Variants in SYS1 observed in about 807,000 individuals in gnomAD.
The protein encoded by SYS1 is SYS1 golgi trafficking protein, also known as protein SYS1 homolog.
Under a neutral mutation model 17.8 loss-of-function variants are expected in SYS1, and 8 were observed. The ratio of observed to expected loss-of-function variants is 0.45; its 90% CI spans 0.26 to 0.81. The LOEUF is 0.81. Ranked by LOEUF, SYS1 falls within the 40% of genes least tolerant of loss-of-function variation. The probability of loss-of-function intolerance (pLI) is 0.16; values close to 1 mark genes in which losing one functional copy is unlikely to be tolerated. For missense variants in SYS1, 161 were observed against 203.9 expected (o/e 0.79, Z 1.28); for synonymous variants, 95 against 90.9 (o/e 1.05, Z -0.26).
In SYS1 at chr20:45,363,210, G is replaced by A; in HGVS notation, c.-109G>A. The A allele has an allele frequency of 9.1e-7, 1 of 1,092,940 alleles. No individual in the cohort carries two copies. The highest frequency in any genetic ancestry group is 1.1e-6 in the Non-Finnish European group (1 of 895,838). The allele number at this position is 1,092,940 out of a possible 1,614,324, so 67.7% of individuals were successfully genotyped here. A position where few individuals can be genotyped will look rare whatever the true frequency, so the allele number is the denominator to read the frequency against. On this transcript the variant is annotated 5_prime_UTR_variant, in exon 1 of 4. Coordinates refer to ENST00000243918, the MANE Select transcript of SYS1 (RefSeq NM_033542.4). ...GGTCGCTGGAGCTTTGCCTCTCTAGGCCGGCAGCGCCTCTCCTCCATGGTC... is the reference window on the plus strand; with the variant it reads ...GGTCGCTGGAGCTTTGCCTCTCTAGACCGGCAGCGCCTCTCCTCCATGGTC...
At chr20:45,362,791 G>C (rs951763438), upstream of SYS1, among the ~76,000 whole-genome samples, 1 of 152,190 alleles carries the variant, frequency 6.6e-6, no homozygotes, top group African/African-American at 2.4e-5. Flanking sequence ...CTACGTGGAG[G>C]AGCTTGCAGG....
chr20:45,367,062 C>T lies in SYS1; in HGVS notation c.418C>T (p.Arg140Trp), dbSNP rs566745672. 1.7e-5 allele frequency: 28 copies of T among 1,614,156 alleles called. No homozygotes were observed. The highest frequency in any genetic ancestry group is 1.7e-4 in the African/African-American group (13 of 75,032). ...TGTCATCGGGGAGTACCTGTGCATG[C>T]GGACGGAGCTCAAGGAGATACCCCT... ...MAVIGEYLCMRTELKEIPLNS... is the reference protein window; with the variant it reads ...MAVIGEYLCMWTELKEIPLNS... Residue 140 changes from arginine to tryptophan, a missense_variant, in exon 4 of 4, where the codon CGG becomes TGG. Arg to Trp is a moderately radical substitution (Grantham distance 101, BLOSUM62 -3). Coordinates refer to ENST00000243918, the MANE Select transcript of SYS1 (RefSeq NM_033542.4).
chr20:45,363,724 C>A, intron 2 of SYS1, 31 bp downstream of exon 2: 1 of 1,543,478 alleles, frequency 6.5e-7, no homozygotes, highest in South Asian at 1.2e-5. Context: ...CGGGTGGGGT[C>A]TCGGCCTCCC....
At chr20:45,364,443 T>A (rs1988335822) in intron 2 of SYS1, among the ~76,000 whole-genome samples, 1 of 144,212 alleles carries the variant, frequency 6.9e-6, no homozygotes. Flanking sequence ...GAGGCAGCTG[T>A]GGCGTGGTGA....
At chr20:45,363,044 A>C, upstream of SYS1, 6 of 928,146 alleles carry the variant, frequency 6.5e-6, no homozygotes, top group African/African-American at 1.8e-5. Flanking sequence ...GCATGTGCTC[A>C]GTTCGCTATC....
In SYS1 at chr20:45,363,406, T is replaced by G. The variant is rs898575119; in HGVS notation, c.-4+91T>G. ...CCCTCACTCTGAGAATGGGTCTGTCTGCCCCGCCTTCCCCCTGACTCTTGG... is the reference window on the plus strand; with the variant it reads ...CCCTCACTCTGAGAATGGGTCTGTCGGCCCCGCCTTCCCCCTGACTCTTGG... On this transcript the variant is annotated intron_variant, in intron 1 of 3. Transcript: ENST00000243918. 9 of 1,445,950 alleles carry G rather than the reference T, an allele frequency of 6.2e-6. No homozygotes were observed. The Admixed American group carries it at 9.9e-5, about 16-fold the overall frequency. The allele number at this position is 1,445,950 out of a possible 1,614,324, so 89.6% of individuals were successfully genotyped here.
Position 45,363,517 on chromosome 20 carries a change from G to T in SYS1, c.-3-12G>T, listed in dbSNP as rs753654061. On this transcript the variant is annotated splice_polypyrimidine_tract_variant and intron_variant, in intron 1 of 3. Coordinates refer to ENST00000243918, the MANE Select transcript of SYS1 (RefSeq NM_033542.4). Reference sequence around the variant, plus strand: ...CAGGCCGCTGGCTGAGGCCCGGCTCGTGTCCCTGCAGGGCATGGCGGGTCA... The same window carrying T: ...CAGGCCGCTGGCTGAGGCCCGGCTCTTGTCCCTGCAGGGCATGGCGGGTCA... 2.5e-6 allele frequency: 4 copies of T among 1,585,366 alleles called. No homozygotes were observed. The highest frequency in any genetic ancestry group is 1.8e-5 in the Admixed American group (1 of 56,478).
intron 2 of SYS1, 52 bp from the exon 3 acceptor site, chr20:45,365,567 G>T: frequency 6.4e-7 from 1 of 1,568,500 alleles, no homozygotes; most frequent in Non-Finnish European, 8.8e-7. Flanking sequence ...GAGATCCTGG[G>T]GCTCTGCCAA....
exon 4 of SYS1, chr20:45,375,378 C>G: frequency 6.2e-7 from 1 of 1,614,122 alleles, no homozygotes; most frequent in Non-Finnish European, 8.5e-7. Flanking sequence ...CCGCCAATGA[C>G]GTTTTCTCCT....
At chr20:45,363,500 T>C (rs748548267) in intron 1 of SYS1, 29 bp from the exon 2 acceptor site, 1 of 1,568,202 alleles carries the variant, frequency 6.4e-7, no homozygotes, top group South Asian at 1.2e-5. Flanking sequence ...GACAGGCCGC[T>C]GGCTGAGGCC....
exon 4 of SYS1, chr20:45,374,479 C>A: frequency 1.8e-6 from 1 of 563,772 alleles, no homozygotes; most frequent in Non-Finnish European, 3.1e-6. Flanking sequence ...ATTATGTTGC[C>A]CAGGATGGTC....
In SYS1 at chr20:45,368,305, C is replaced by G. The variant is rs1988483949; in HGVS notation, c.*1190C>G. 1 of 985,346 alleles carries G rather than the reference C, an allele frequency of 1.0e-6. No homozygotes were observed. The allele number at this position is 985,346 out of a possible 1,614,324, so 61.0% of individuals were successfully genotyped here. ...CTGTCTCCTTCACTTGCAGCGTCCC[C>G]TGCTATGCCTCAGGTGAACCACATA... On this transcript the variant is annotated 3_prime_UTR_variant, in exon 4 of 4. Transcript: ENST00000243918.
At chr20:45,366,736 G>C (rs1273761708) in intron 3 of SYS1, 139 bp from the exon 4 acceptor site, 1 of 723,656 alleles carries the variant, frequency 1.4e-6, no homozygotes, top group Non-Finnish European at 2.4e-6. Context: ...TCTTCTAGGC[G>C]TCTGGTATCA....
Position 45,375,235 on chromosome 20 carries a change from C to T in SYS1, c.*941C>T, listed in dbSNP as rs2231620. On this transcript the variant is annotated 3_prime_UTR_variant, in exon 4 of 4. Transcript: ENST00000426004. ...CATGTGCCCCATGGGAGTTCTATTG[C>T]GGTAGGGCTTAATGAAGATGACTCG... The T allele has an allele frequency of 7.1e-4, 1,144 of 1,614,138 alleles. 11 individuals are homozygous for T. In the African/African-American group the frequency reaches 0.014, roughly 20 times the overall value.
At chr20:45,375,166 A>C in exon 4 of SYS1, 1 of 1,614,220 alleles carries the variant, frequency 6.2e-7, no homozygotes, top group Non-Finnish European at 8.5e-7. Context: ...TCGTGTGGGC[A>C]GCCCCTCAAA....
rs1367304524 is a variant in SYS1, at chr20:45,367,637, G to A, written c.*522G>A. 1 of 993,172 alleles carries A rather than the reference G, an allele frequency of 1.0e-6. No homozygotes were observed. Among genetic ancestry groups the A allele is most frequent in the African/African-American group, 1.7e-5 (1 of 57,190 alleles). 61.5% of individuals were successfully genotyped at this position (993,172 alleles called of 1,614,324 possible). A position where few individuals can be genotyped will look rare whatever the true frequency, so the allele number is the denominator to read the frequency against. ...AAGAAATGTAGGTGTGAAGTATTAGGCTGCTGTCAGGGAGAGGATGGCAGA... is the reference window on the plus strand; with the variant it reads ...AAGAAATGTAGGTGTGAAGTATTAGACTGCTGTCAGGGAGAGGATGGCAGA... On this transcript the variant is annotated 3_prime_UTR_variant, in exon 4 of 4. Coordinates refer to ENST00000243918, the MANE Select transcript of SYS1 (RefSeq NM_033542.4).
downstream of SYS1, chr20:45,374,175 AC>A (rs1244014235): frequency 2.1e-5 from 14 of 678,012 alleles, no homozygotes; most frequent in East Asian, 3.8e-4. Context: ...GTGGGCACTC[AC>A]CCCCTTCCTT....
At chr20:45,373,831 C>G, downstream of SYS1, 3 of 1,458,488 alleles carry the variant, frequency 2.1e-6, no homozygotes, top group Non-Finnish European at 2.9e-6. Flanking sequence ...CCGAAGGCCT[C>G]TTTCCTTCAT....
Position 45,369,050 on chromosome 20 carries a change from AT to A in SYS1, c.*1936del, listed in dbSNP as rs1568919269. ...TTCAGTAATATGGAGACTGAGCTGC[AT>A]GGTAGTTGGGGATCAAAAATATGTG... On this transcript the variant is annotated 3_prime_UTR_variant, in exon 4 of 4. Coordinates refer to ENST00000243918, the MANE Select transcript of SYS1 (RefSeq NM_033542.4). The A allele has an allele frequency of 5.4e-6, 1 of 186,216 alleles. No individual in the cohort carries two copies. The allele number at this position is 186,216 out of a possible 1,614,324, so 11.5% of individuals were successfully genotyped here. A position where few individuals can be genotyped will look rare whatever the true frequency, so the allele number is the denominator to read the frequency against.
Sources: allele counts gnomAD v4.1 joint callset (sites outside exome capture counted in the v4.1 genomes callset), GRCh38; gene constraint gnomAD v4.1.1; transcripts MANE v1.5; gene names NCBI Gene and HGNC (gene_info 2026-07-23, HGNC 2026-07-21).